The following SLC2A13 variants were observed in gnomAD, a reference collection of about 807,000 sequenced individuals.
The protein encoded by SLC2A13 is solute carrier family 2 member 13.
A neutral mutation model predicts 64.4 loss-of-function variants in SLC2A13; 32 were observed. The observed-to-expected ratio is 0.50, with a 90% CI of 0.37 to 0.67. The LOEUF is 0.67. Ranked by LOEUF, SLC2A13 falls within the 30% of genes least tolerant of loss-of-function variation. The probability of loss-of-function intolerance (pLI) is 0.00; values close to 1 mark genes in which losing one functional copy is unlikely to be tolerated. For synonymous variants in SLC2A13, 338 were observed against 327.1 expected, an observed-to-expected ratio of 1.03 and a Z score of -0.36; for missense variants, 743 against 829.2, an observed-to-expected ratio of 0.90 and a Z score of 1.28.
At chr12:39,790,354 A>G (rs1437102593) in intron 7 of SLC2A13, among the ~76,000 whole-genome samples, 10 of 142,696 alleles carry the variant, frequency 7.0e-5, no homozygotes, top group African/African-American at 2.1e-4. Flanking sequence ...ATATCTCCCA[A>G]TGCTATCCCT....
chr12:40,076,239 C>A (rs144547524), intron 1 of SLC2A13, among the ~76,000 whole-genome samples: 7 of 152,266 alleles, frequency 4.6e-5, no homozygotes, highest in African/African-American at 1.7e-4. Flanking sequence ...GTTTGGTGTA[C>A]AAATTATTTC....
At chr12:39,771,723 C>G (rs1051439097) in intron 7 of SLC2A13, among the ~76,000 whole-genome samples, 3 of 152,062 alleles carry the variant, frequency 2.0e-5, no homozygotes, top group African/African-American at 7.2e-5. Context: ...TTTCTTCAAA[C>G]TCATATGCCA....
At chr12:39,956,609 C>G (rs1237347797) in intron 3 of SLC2A13, among the ~76,000 whole-genome samples, 2 of 152,052 alleles carry the variant, frequency 1.3e-5, no homozygotes, top group East Asian at 3.9e-4. Flanking sequence ...AGTAAGAACA[C>G]AAGGGGGTTA....
At chr12:39,763,430 A>G (rs1315159014) in intron 9 of SLC2A13, among the ~76,000 whole-genome samples, 3 of 152,104 alleles carry the variant, frequency 2.0e-5, no homozygotes, top group Non-Finnish European at 2.9e-5. Context: ...TTATCCATGT[A>G]TTTATTCATT....
chr12:39,990,587 T>C (rs895458911), intron 3 of SLC2A13, among the ~76,000 whole-genome samples: 3 of 152,116 alleles, frequency 2.0e-5, no homozygotes, highest in African/African-American at 7.2e-5. Flanking sequence ...TATTCACCCA[T>C]AGTGCTGAAC....
chr12:39,906,968 G>C (rs568782522), intron 4 of SLC2A13, among the ~76,000 whole-genome samples: 2 of 152,014 alleles, frequency 1.3e-5, no homozygotes, highest in African/African-American at 4.8e-5. Flanking sequence ...AAAATCAGTT[G>C]CTCCAATTTT....
intron 5 of SLC2A13, among the ~76,000 whole-genome samples, chr12:39,871,011 T>C (rs1373934989): frequency 6.6e-6 from 1 of 152,124 alleles, no homozygotes; most frequent in East Asian, 1.9e-4. Flanking sequence ...GCATTCTCAC[T>C]CCAAATAAAC....
intron 4 of SLC2A13, among the ~76,000 whole-genome samples, chr12:39,925,575 C>CT (rs1024505532): frequency 1.3e-5 from 2 of 152,106 alleles, no homozygotes; most frequent in East Asian, 1.9e-4. Context: ...AAATAATTAA[C>CT]TTTTTTTCCT....
At chr12:40,077,280 T>C (rs188900924) in intron 1 of SLC2A13, among the ~76,000 whole-genome samples, 3 of 152,288 alleles carry the variant, frequency 2.0e-5, no homozygotes, top group Admixed American at 2.0e-4. Flanking sequence ...TTTTTACAGT[T>C]TTAGGTTTTA....
chr12:39,801,813 C>T (rs1049855334), intron 7 of SLC2A13, among the ~76,000 whole-genome samples: 1 of 152,104 alleles, frequency 6.6e-6, no homozygotes, highest in African/African-American at 2.4e-5. Flanking sequence ...AGTGGAGACC[C>T]AGCATCTTAT....
intron 4 of SLC2A13, among the ~76,000 whole-genome samples, chr12:39,889,777 G>GT (rs1944558379): frequency 6.6e-6 from 1 of 151,906 alleles, no homozygotes; most frequent in African/African-American, 2.4e-5. Context: ...TGATCTGCCC[G>GT]CCTTGGCCTC....
intron 4 of SLC2A13, among the ~76,000 whole-genome samples, chr12:39,943,451 C>T (rs1946077043): frequency 6.6e-6 from 1 of 152,186 alleles, no homozygotes; most frequent in Non-Finnish European, 1.5e-5. Flanking sequence ...AGAGGCCCTG[C>T]CCAGAGAGAA....
At chr12:39,789,454 C>T (rs1941301511) in intron 7 of SLC2A13, among the ~76,000 whole-genome samples, 1 of 152,020 alleles carries the variant, frequency 6.6e-6, no homozygotes, top group Non-Finnish European at 1.5e-5. Context: ...GTATACATCC[C>T]CCTACTCATT....
At chr12:39,774,136 T>C (rs1476483682) in intron 7 of SLC2A13, among the ~76,000 whole-genome samples, 3 of 152,280 alleles carry the variant, frequency 2.0e-5, no homozygotes, top group South Asian at 2.1e-4. Flanking sequence ...AATTACACCA[T>C]TACAATTTGA....
At chr12:39,898,305 C>A (rs1252099154) in intron 4 of SLC2A13, among the ~76,000 whole-genome samples, 7 of 152,124 alleles carry the variant, frequency 4.6e-5, no homozygotes, top group Admixed American at 3.9e-4. Context: ...AAGCCTTATA[C>A]ACCCACATGC....
At chr12:39,942,716 C>T (rs1157599312) in intron 4 of SLC2A13, among the ~76,000 whole-genome samples, 2 of 152,104 alleles carry the variant, frequency 1.3e-5, no homozygotes, top group East Asian at 3.9e-4. Flanking sequence ...TCCTTTAGCT[C>T]GGAGGAGTTT....
intron 3 of SLC2A13, among the ~76,000 whole-genome samples, chr12:39,983,879 C>T (rs1321731395): frequency 1.9e-4 from 28 of 143,890 alleles, no homozygotes; most frequent in Admixed American, 7.8e-4. Context: ...CACATGCACA[C>T]GTATGTTTAT....
rs994979744 is a variant in SLC2A13, at chr12:39,931,666, C to T, written c.1034+19591G>A. Among the ~76,000 whole-genome samples the T allele has an allele frequency of 2.0e-5, 3 of 152,110 alleles. No homozygotes were observed. The South Asian group carries it at 6.2e-4, about 32-fold the overall frequency. On this transcript the variant is annotated intron_variant, in intron 4 of 9. Transcript: ENST00000280871. ...GTTTACCAGCTTAAAGTGCCACACA[C>T]TATTGGAAAATGATTCCCAATTTCA...
At chr12:39,819,660 T>G (rs1942436747) in intron 7 of SLC2A13, 1 of 152,260 alleles carries the variant, frequency 6.6e-6, no homozygotes, top group African/African-American at 2.4e-5. Context: ...AAAATAATTT[T>G]GAAGTATGCG....
Sources: allele counts gnomAD v4.1 joint callset (sites outside exome capture counted in the v4.1 genomes callset), GRCh38; gene constraint gnomAD v4.1.1; transcripts MANE v1.5; gene names NCBI Gene and HGNC (gene_info 2026-07-23, HGNC 2026-07-21).